The following ABCA1 variants were observed in gnomAD, a reference collection of about 807,000 sequenced individuals.
ABCA1 encodes the protein ATP binding cassette subfamily A member 1.
Under a neutral mutation model 262.5 loss-of-function variants are expected in ABCA1, and 133 were observed. The ratio of observed to expected loss-of-function variants is 0.51; its 90% CI spans 0.44 to 0.59. ABCA1 has a LOEUF of 0.59. Among genes scored for constraint, ABCA1 ranks in the 20% least tolerant of loss-of-function variants. The pLI is 0.00. For synonymous variants in ABCA1, 1,022 were observed against 1,043.5 expected, an observed-to-expected ratio of 0.98 and a Z score of 0.40; for missense variants, 2,452 against 2,777.5, an observed-to-expected ratio of 0.88 and a Z score of 2.63.
chr9:104,904,937 G>GGAGA (rs1408364754), intron 1 of ABCA1, among the ~76,000 whole-genome samples: 1 of 152,170 alleles, frequency 6.6e-6, no homozygotes, highest in African/African-American at 2.4e-5. Flanking sequence ...CGTGAACAAG[G>GGAGA]GATACTACAT....
intron 1 of ABCA1, among the ~76,000 whole-genome samples, chr9:104,905,752 T>G (rs574015365): frequency 1.3e-5 from 2 of 152,218 alleles, no homozygotes; most frequent in Non-Finnish European, 2.9e-5. Context: ...AGCTAGATTT[T>G]TCTCATACAG....
chr9:104,828,160 G>C (rs1459125243), intron 15 of ABCA1, among the ~76,000 whole-genome samples: 1 of 152,236 alleles, frequency 6.6e-6, no homozygotes, highest in Non-Finnish European at 1.5e-5. Flanking sequence ...CCAGCTGTCA[G>C]TAGACGGCCT....
intron 35 of ABCA1, among the ~76,000 whole-genome samples, 159 bp from the exon 36 acceptor site, chr9:104,800,147 T>C (rs900359276): frequency 6.6e-6 from 1 of 152,158 alleles, no homozygotes; most frequent in African/African-American, 2.4e-5. Flanking sequence ...GTAATTACAG[T>C]GTTCAGGACA....
Position 104,821,487 on chromosome 9 carries a change from A to G in ABCA1, c.2848T>C (p.Phe950Leu), listed in dbSNP as rs1832343132. The change falls in exon 20 of 50, where the codon TTC (phenylalanine) becomes CTC (leucine). Residue 950 changes from phenylalanine (F) to leucine (L), a missense_variant. Physicochemically the swap from Phe to Leu is conservative, Grantham distance 22 (BLOSUM62 0). This residue lies in a region of ABCA1 where 665 missense variants were observed against 727.3 expected (regional missense o/e 0.91). Transcript: ENST00000374736. ...TAGGCGGTGCCCGAGGTCGGGGGGA[A>G]CAACCCGGTCAGGATTGACCTGAGG... ...TTTMSILTGL[F>L]PPTSGTAYIL... 3 of 1,613,814 alleles carry G rather than the reference A, an allele frequency of 1.9e-6. No individual in the cohort carries two copies. Among genetic ancestry groups the G allele is most frequent in the Admixed American group, 1.7e-5 (1 of 60,008 alleles).
chr9:104,916,195 AGT>A (rs915913048), intron 1 of ABCA1, among the ~76,000 whole-genome samples: 1 of 152,212 alleles, frequency 6.6e-6, no homozygotes, highest in Non-Finnish European at 1.5e-5. Context: ...CAATCATTAA[AGT>A]AAAAAAAAAA....
intron 22 of ABCA1, 34 bp downstream of exon 22, chr9:104,819,552 G>C (rs766856227): frequency 1.9e-6 from 3 of 1,613,708 alleles, no homozygotes; most frequent in Non-Finnish European, 1.7e-6. Context: ...CTCTCTCTCA[G>C]TCCATTTACT....
chr9:104,851,513 T>G (rs965558435), intron 7 of ABCA1, among the ~76,000 whole-genome samples: 7 of 152,218 alleles, frequency 4.6e-5, no homozygotes. Flanking sequence ...GACCAATGCA[T>G]ATACTATGTC....
chr9:104,913,620 G>C (rs1183772786), intron 1 of ABCA1, among the ~76,000 whole-genome samples: 1 of 152,130 alleles, frequency 6.6e-6, no homozygotes, highest in Admixed American at 6.5e-5. Flanking sequence ...ATTGGTAGAG[G>C]TGAAAGCATT....
Position 104,817,195 on chromosome 9 carries a change from G to C in ABCA1, c.3535+137C>G. ...CCGCCACCAAGCTGCTCCCACACCC[G>C]CAGCCACCCAGCCCCAGCCCAGCAG... On this transcript the variant is annotated intron_variant, in intron 24 of 49. Transcript: ENST00000374736. The surrounding 1 kb of genome is among the most constrained non-coding windows in gnomAD (Gnocchi z 4.7). 1.1e-4 allele frequency: 170 copies of C among 1,558,048 alleles called. No individual in the cohort carries two copies. The highest frequency in any genetic ancestry group is 8.2e-4 in the East Asian group (34 of 41,390).
chr9:104,889,377 C>T, intron 2 of ABCA1, 182 bp from the exon 3 acceptor site: 1 of 985,032 alleles, frequency 1.0e-6, no homozygotes, highest in Non-Finnish European at 1.2e-6. Flanking sequence ...ACATACCATT[C>T]CATATACCTC....
At chr9:104,876,162 A>G (rs1838146577) in intron 5 of ABCA1, among the ~76,000 whole-genome samples, 2 of 152,202 alleles carry the variant, frequency 1.3e-5, no homozygotes, top group Non-Finnish European at 2.9e-5. Flanking sequence ...CCAGCTAAAA[A>G]AAGATGGAGA....
intron 30 of ABCA1, among the ~76,000 whole-genome samples, chr9:104,807,440 C>T (rs1830866460): frequency 6.6e-6 from 1 of 152,174 alleles, no homozygotes. Context: ...TTTGATTCAA[C>T]AAGTCATTTC....
rs1261867322 is a variant in ABCA1, at chr9:104,796,054, T to C, written c.5381A>G (p.Asn1794Ser). ...ATFVLELFTD[N>S]KLNNINDILK... is the part of the protein sequence containing the mutation. The stretch of plus-strand genomic sequence containing the variant: ...GAGTGTTCTCTCTGCATGACTCACA[T>C]TGTCGGTGAACAGCTCCAGCACAAA... Residue 1794 changes from asparagine to serine, a missense_variant and splice_region_variant, in exon 39 of 50, where the codon AAT becomes AGT. By Grantham distance (46) the Asn-to-Ser change is conservative. This residue lies in a region of ABCA1 where 752 missense variants were observed against 944.5 expected (regional missense o/e 0.80). Transcript: ENST00000374736. 6.2e-7 allele frequency: 1 copy of C among 1,612,418 alleles called. No individual in the cohort carries two copies. The highest frequency in any genetic ancestry group is 8.5e-7 in the Non-Finnish European group (1 of 1,179,982).
At position 104,792,274 on chromosome 9, in the gene ABCA1, A is replaced by G. The variant is rs1017596786; in HGVS notation, c.5758-276T>C. 4.6e-4 allele frequency among the ~76,000 whole-genome samples: 70 copies of G among 152,204 alleles called. 4 individuals carry two copies. ...TTATTATCTACATAATTTTTCATCTATTCAACATATATATGTATTGCAGGT... is the reference window on the plus strand; with the variant it reads ...TTATTATCTACATAATTTTTCATCTGTTCAACATATATATGTATTGCAGGT... On this transcript the variant is annotated intron_variant, in intron 42 of 49. Coordinates refer to ENST00000374736, the MANE Select transcript of ABCA1 (RefSeq NM_005502.4).
intron 44 of ABCA1, among the ~76,000 whole-genome samples, chr9:104,789,768 A>G (rs926164508): frequency 9.9e-5 from 14 of 141,686 alleles, no homozygotes; most frequent in African/African-American, 3.9e-4. Flanking sequence ...AAAACTCTGA[A>G]AGCCACTGCC....
intron 44 of ABCA1, 25 bp from the exon 45 acceptor site, chr9:104,788,592 A>C: frequency 6.2e-7 from 1 of 1,613,836 alleles, no homozygotes; most frequent in East Asian, 2.2e-5. Flanking sequence ...AAAACTACTT[A>C]GATTTTAAGC....
intron 25 of ABCA1, among the ~76,000 whole-genome samples, chr9:104,814,772 G>C (rs1311788805): frequency 6.6e-6 from 1 of 152,200 alleles, no homozygotes; most frequent in Non-Finnish European, 1.5e-5. Flanking sequence ...GAGGCGGGCA[G>C]ATCACCTGAG....
Position 104,840,399 on chromosome 9 carries a change from G to T in ABCA1, c.934C>A (p.Pro312Thr). 6.2e-7 allele frequency: 1 copy of T among 1,614,218 alleles called. No individual in the cohort carries two copies. The highest frequency in any genetic ancestry group is 8.5e-7 in the Non-Finnish European group (1 of 1,180,040). Residue 312 changes from proline to threonine, a missense_variant, in exon 9 of 50, where the codon CCC (proline) becomes ACC (threonine). Coordinates refer to ENST00000374736, the MANE Select transcript of ABCA1 (RefSeq NM_005502.4). ...TTGATCTTCAGCCCCCCTCCCTCGG[G>T]ATGCCCGCAGACAATACGAGACACA... is the stretch of plus-strand genomic sequence containing the variant. ...QAVSRIVCGH[P>T]EGGGLKIKSL...
In ABCA1 at chr9:104,903,796, A is replaced by C. The variant is rs577805927; in HGVS notation, c.-92-25T>G. ...ACTGAAAGATAAAGCAGGAGGGGAA[A>C]CAGCCATCAGTTATTGCTGCAAAGC... On this transcript the variant is annotated intron_variant, in intron 1 of 49. Coordinates refer to ENST00000374736, the MANE Select transcript of ABCA1 (RefSeq NM_005502.4). 5.3e-5 allele frequency: 51 copies of C among 962,798 alleles called. No homozygotes were observed. In the African/African-American group the frequency reaches 7.4e-4, roughly 14 times the overall value. 59.6% of individuals were successfully genotyped at this position (962,798 alleles called of 1,614,324 possible).
Sources: allele counts gnomAD v4.1 joint callset (sites outside exome capture counted in the v4.1 genomes callset), GRCh38; gene constraint gnomAD v4.1.1; regional missense constraint gnomAD v4.1.1; non-coding constraint Gnocchi (gnomAD v3.1); transcripts MANE v1.5; gene names NCBI Gene and HGNC (gene_info 2026-07-23, HGNC 2026-07-21).